HOXA9: variants seen among roughly 807,000 people sequenced by gnomAD.
The protein encoded by HOXA9 is homeobox protein Hox-A9.
Under a neutral mutation model 19.0 loss-of-function variants are expected in HOXA9, and 18 were observed. The observed-to-expected ratio is 0.95, with a 90% CI of 0.65 to 1.40. The LOEUF (loss-of-function observed/expected upper bound fraction) is 1.40, where lower values mean the gene tolerates loss of function less well. HOXA9 is among the 40% of genes most tolerant of loss of function. The pLI, the probability that HOXA9 is intolerant of heterozygous loss-of-function variation, is 0.00. For synonymous variants in HOXA9, 198 were observed against 161.1 expected, an observed-to-expected ratio of 1.23 and a Z score of -1.73; for missense variants, 443 against 372.2, an observed-to-expected ratio of 1.19 and a Z score of -1.57.
chr7:27,163,849 G>T lies in HOXA9; in HGVS notation c.581-8C>A. ...AGTTGGCTGCTGGGTTATCTGCGGG[G>T]AAGAGAAACACTGGGTTTAGGAGCA... On this transcript the variant is annotated splice_region_variant and splice_polypyrimidine_tract_variant and intron_variant, in intron 1 of 1. Transcript: ENST00000343483. The T allele has an allele frequency of 1.2e-6, 2 of 1,610,232 alleles. No homozygotes were observed.
At position 27,163,854 on chromosome 7, in the gene HOXA9, G is replaced by A. The variant is rs769334217; in HGVS notation, c.581-13C>T. On this transcript the variant is annotated splice_polypyrimidine_tract_variant and intron_variant, in intron 1 of 1. Transcript: ENST00000343483. ...GCTGCTGGGTTATCTGCGGGGAAGAGAAACACTGGGTTTAGGAGCAGAAGA... is the reference window on the plus strand; with the variant it reads ...GCTGCTGGGTTATCTGCGGGGAAGAAAAACACTGGGTTTAGGAGCAGAAGA... 1 of 1,607,208 alleles carries A rather than the reference G, an allele frequency of 6.2e-7. No individual in the cohort carries two copies.
At position 27,163,580 on chromosome 7, in the gene HOXA9, T is replaced by C; in HGVS notation, c.*23A>G. ...TCTTTTTCTCTCTAGCTTACCCTTTTTTCTAAATAAGCCCAAATGGCATCA... is the reference window on the plus strand; with the variant it reads ...TCTTTTTCTCTCTAGCTTACCCTTTCTTCTAAATAAGCCCAAATGGCATCA... On this transcript the variant is annotated 3_prime_UTR_variant, in exon 2 of 2. Coordinates refer to ENST00000343483, the MANE Select transcript of HOXA9 (RefSeq NM_152739.4). The C allele has an allele frequency of 6.4e-7, 1 of 1,568,958 alleles. No homozygotes were observed. The highest frequency in any genetic ancestry group is 1.4e-5 in the African/African-American group (1 of 73,364).
At position 27,163,149 on chromosome 7, in the gene HOXA9, T is replaced by C. The variant is rs967826461; in HGVS notation, c.*454A>G. 4.4e-6 allele frequency: 1 copy of C among 226,252 alleles called. No individual in the cohort carries two copies. The highest frequency in any genetic ancestry group is 2.2e-5 in the African/African-American group (1 of 44,738). 14.0% of individuals were successfully genotyped at this position (226,252 alleles called of 1,614,324 possible). On this transcript the variant is annotated 3_prime_UTR_variant, in exon 2 of 2. Transcript: ENST00000343483. ...ACATAATTACCACAATAAAACACAG[T>C]GTTCAAGTATCTTGGCAGAGCAATC...
intron 1 of HOXA9, 151 bp downstream of exon 1, chr7:27,164,727 A>G: frequency 8.0e-7 from 1 of 1,243,328 alleles, no homozygotes; most frequent in South Asian, 1.6e-5. Context: ...GCCCTATCTG[A>G]GGCGTCCCAA....
chr7:27,163,939 C>T, intron 1 of HOXA9, 98 bp from the exon 2 acceptor site: 2 of 947,992 alleles, frequency 2.1e-6, no homozygotes, highest in Non-Finnish European at 3.3e-6. Flanking sequence ...AAGTGCAGAA[C>T]TCTGCTGAAC....
chr7:27,162,941 T>A lies in HOXA9; in HGVS notation c.*662A>T, dbSNP rs574910782. 1 of 198,908 alleles carries A rather than the reference T, an allele frequency of 5.0e-6. No individual in the cohort carries two copies. The highest frequency in any genetic ancestry group is 1.0e-5 in the Non-Finnish European group (1 of 96,176). The allele number at this position is 198,908 out of a possible 1,614,324, so 12.3% of individuals were successfully genotyped here. On this transcript the variant is annotated 3_prime_UTR_variant, in exon 2 of 2. Transcript: ENST00000343483. ...ATTTTTTTTTATTTCACTGGGAAAT[T>A]CTTACAGCTACTTTACAATCATAGG...
chr7:27,164,828 G>T (rs762772939), intron 1 of HOXA9, 50 bp downstream of exon 1: 2 of 1,578,382 alleles, frequency 1.3e-6, no homozygotes, highest in Non-Finnish European at 1.7e-6. Context: ...CAGCAGATCC[G>T]GGAGGCCGGC....
At chr7:27,164,572 T>A (rs1383027318) in intron 1 of HOXA9, among the ~76,000 whole-genome samples, 1 of 152,216 alleles carries the variant, frequency 6.6e-6, no homozygotes, top group Non-Finnish European at 1.5e-5. Context: ...GCCCAAAGTA[T>A]CTCGGTCCTG....
rs1433831857 is a variant in HOXA9 at position 27,164,988 on chromosome 7, TAGTC to T, written c.466_469del (p.Asp156MetfsTer103). On this transcript the variant is annotated frameshift_variant, in exon 1 of 2. Transcript: ENST00000343483. LOFTEE classifies it high-confidence loss of function. ...ATCAACTGGAGGAGAACCACAAGCA[TAGTC>T]AGTCAGGGACAAAGTGTGAGTGTCA... is the stretch of plus-strand genomic sequence containing the variant. 4 of 1,614,128 alleles carry T rather than the reference TAGTC, an allele frequency of 2.5e-6. No individual in the cohort carries two copies. The highest frequency in any genetic ancestry group is 1.7e-5 in the Admixed American group (1 of 60,010).
chr7:27,164,241 T>C (rs1783265972), intron 1 of HOXA9, among the ~76,000 whole-genome samples: 2 of 152,258 alleles, frequency 1.3e-5, no homozygotes, highest in Admixed American at 6.5e-5. Flanking sequence ...CGTCTTTCTT[T>C]CCCAACCTGT....
chr7:27,164,988 T>C lies in HOXA9; in HGVS notation c.470A>G (p.Tyr157Cys), dbSNP rs769817684. 4.9e-5 allele frequency: 79 copies of C among 1,614,128 alleles called. No individual in the cohort carries two copies. The highest frequency in any genetic ancestry group is 1.3e-4 in the African/African-American group (10 of 74,954). The stretch of plus-strand genomic sequence containing the variant: ...ATCAACTGGAGGAGAACCACAAGCA[T>C]AGTCAGTCAGGGACAAAGTGTGAGT... Reference protein sequence around the residue: ...LDTHTLSLTDYACGSPPVDRE... With the variant: ...LDTHTLSLTDCACGSPPVDRE... Residue 157 changes from tyrosine to cysteine, a missense_variant, in exon 1 of 2, where the codon TAT becomes TGT. Transcript: ENST00000343483.
chr7:27,164,509 G>C (rs1361781350), intron 1 of HOXA9, among the ~76,000 whole-genome samples: 1 of 152,242 alleles, frequency 6.6e-6, no homozygotes, highest in Non-Finnish European at 1.5e-5. Context: ...CGCCGCTCAC[G>C]GACAATCTAG....
intron 1 of HOXA9, 67 bp downstream of exon 1, chr7:27,164,811 G>A: frequency 6.4e-7 from 1 of 1,565,286 alleles, no homozygotes; most frequent in Non-Finnish European, 8.7e-7. Context: ...AGAGAAACCT[G>A]GCGGGCCAGC....
Position 27,165,104 on chromosome 7 carries a change from C to G in HOXA9, c.354G>C (p.Ala118=). 1 of 1,612,016 alleles carries G rather than the reference C, an allele frequency of 6.2e-7. No homozygotes were observed. Among genetic ancestry groups the G allele is most frequent in the Non-Finnish European group, 8.5e-7 (1 of 1,179,184 alleles). ...TGGAGGGCAAGCCCGCGAAGGAGAG[C>G]GCACCGGGCGTGGGCTCCAGCCAGG... is the stretch of plus-strand genomic sequence containing the variant. The part of the protein sequence containing the change: ...MRSWLEPTPG[A]LSFAGLPSSR... Residue 118 remains alanine, a synonymous_variant, in exon 1 of 2, where the codon GCG becomes GCC. Transcript: ENST00000343483.
rs546354313 is a variant in HOXA9, at chr7:27,163,684, G to A, written c.738C>T (p.Thr246=). 3 of 1,613,806 alleles carry A rather than the reference G, an allele frequency of 1.9e-6. No individual in the cohort carries two copies. The highest frequency in any genetic ancestry group is 2.7e-5 in the African/African-American group (2 of 74,836). Residue 246 remains threonine (T), a synonymous_variant, in exon 2 of 2, where the codon ACC becomes ACT. Transcript: ENST00000343483. ...RYEVARLLNL[T]ERQVKIWFQN... ...GGAACCAGATCTTGACCTGCCTCTC[G>A]GTGAGGTTGAGCAGTCGAGCCACCT...
In HOXA9 at chr7:27,163,017, A is replaced by C. The variant is rs1333449754; in HGVS notation, c.*586T>G. The C allele has an allele frequency of 9.8e-6, 2 of 204,878 alleles. No individual in the cohort carries two copies. The highest frequency in any genetic ancestry group is 4.6e-5 in the African/African-American group (2 of 43,706). The allele number at this position is 204,878 out of a possible 1,614,324, so 12.7% of individuals were successfully genotyped here. A position where few individuals can be genotyped will look rare whatever the true frequency, so the allele number is the denominator to read the frequency against. The stretch of plus-strand genomic sequence containing the variant: ...ATATTCCACTACAGAGCTATACTCT[A>C]TGCAACTGTTTTTTTCCCCTCATAA... On this transcript the variant is annotated 3_prime_UTR_variant, in exon 2 of 2. Transcript: ENST00000343483.
In HOXA9 at chr7:27,164,802, G is replaced by C; in HGVS notation, c.580+76C>G. 6.4e-6 allele frequency: 10 copies of C among 1,559,482 alleles called. No individual in the cohort carries two copies. In the South Asian group the frequency reaches 7.4e-5, roughly 11 times the overall value. On this transcript the variant is annotated intron_variant, in intron 1 of 1. Transcript: ENST00000343483. ...CCAGCGAGGACGAAGGCAGGCTCGA[G>C]AGAAACCTGGCGGGCCAGCAGATCC... is the stretch of plus-strand genomic sequence containing the variant.
Position 27,165,116 on chromosome 7 carries a change from G to T in HOXA9, c.342C>A (p.Pro114=), listed in dbSNP as rs752362815. The T allele has an allele frequency of 6.2e-7, 1 of 1,610,850 alleles. No homozygotes were observed. The highest frequency in any genetic ancestry group is 1.3e-5 in the African/African-American group (1 of 74,920). Residue 114 remains proline, a synonymous_variant, in exon 1 of 2, where the codon CCC becomes CCA. Transcript: ENST00000343483. ...DGRYMRSWLE[P]TPGALSFAGL... ...CCGCGAAGGAGAGCGCACCGGGCGT[G>T]GGCTCCAGCCAGGAGCGCATGTACC...
In HOXA9 at chr7:27,163,746, GAA is replaced by G; in HGVS notation, c.674_675del (p.Phe225SerfsTer55). ...TCCCTGGTGAGGTACATGTTGAACA[GAA>G]ACTCTTTCTCCAGTTCCAGGGTCTG... ...KHQTLELEKE[F>X]LFNMYLTRDR... On this transcript the variant is annotated frameshift_variant, in exon 2 of 2. Coordinates refer to ENST00000343483, the MANE Select transcript of HOXA9 (RefSeq NM_152739.4). LOFTEE classifies it high-confidence loss of function. The G allele has an allele frequency of 6.2e-7, 1 of 1,614,062 alleles. No individual in the cohort carries two copies. The highest frequency in any genetic ancestry group is 8.5e-7 in the Non-Finnish European group (1 of 1,180,002).
Sources: allele counts gnomAD v4.1 joint callset (sites outside exome capture counted in the v4.1 genomes callset), GRCh38; gene constraint gnomAD v4.1.1; transcripts MANE v1.5; gene names NCBI Gene and HGNC (gene_info 2026-07-23, HGNC 2026-07-21).